Variants in SNX25 observed in about 807,000 individuals in gnomAD.
SNX25 encodes the protein sorting nexin 25, also known as sorting nexin-25.
Under a neutral mutation model 113.7 loss-of-function variants are expected in SNX25, and 62 were observed. That is an observed-to-expected ratio of 0.55 (90% confidence interval 0.44 to 0.67). The LOEUF is 0.67. SNX25 is among the 30% of genes least tolerant of loss of function. The probability of loss-of-function intolerance (pLI) is 0.00; values close to 1 mark genes in which losing one functional copy is unlikely to be tolerated. For synonymous variants in SNX25, 421 were observed against 436.2 expected (o/e 0.97, Z 0.43); for missense variants, 1,014 against 1,161.0 (o/e 0.87, Z 1.84).
intron 5 of SNX25, among the ~76,000 whole-genome samples, chr4:185,277,462 G>C (rs1268386722): frequency 6.6e-6 from 1 of 152,124 alleles, no homozygotes; most frequent in African/African-American, 2.4e-5. Flanking sequence ...ACTGGCTTTT[G>C]GGCAAGGTGA....
At chr4:185,205,482 T>C (rs1015383391), upstream of SNX25, among the ~76,000 whole-genome samples, 3 of 152,104 alleles carry the variant, frequency 2.0e-5, no homozygotes, top group African/African-American at 4.8e-5. Context: ...AATTTCACTT[T>C]CTTTTAAAGT....
rs113138900 is a variant in SNX25, at chr4:185,229,914, G to A, written c.430-17380G>A. Among the ~76,000 whole-genome samples, 13 of 152,168 alleles carry A rather than the reference G, an allele frequency of 8.5e-5. 1 individual carries two copies. Among genetic ancestry groups the A allele is most frequent in the African/African-American group, 2.7e-4 (11 of 41,504 alleles). On this transcript the variant is annotated intron_variant, in intron 1 of 18. Transcript: ENST00000652585. ...TGCAATCATGGCTCTCTGCAGCCTC[G>A]ACTACCTGGGCTCAGGTGATCCTCC...
At chr4:185,273,654 A>C (rs1364961196) in intron 5 of SNX25, among the ~76,000 whole-genome samples, 1 of 152,166 alleles carries the variant, frequency 6.6e-6, no homozygotes, top group African/African-American at 2.4e-5. Context: ...TGTACGCTTT[A>C]ACCAGCATCT....
chr4:185,361,484 T>G (rs1486684282), intron 16 of SNX25, among the ~76,000 whole-genome samples: 1 of 152,186 alleles, frequency 6.6e-6, no homozygotes, highest in Admixed American at 6.5e-5. Context: ...ATGCCTCTAA[T>G]CCCAGCACCT....
chr4:185,281,003 A>G (rs2126590282), intron 5 of SNX25, among the ~76,000 whole-genome samples: 1 of 152,332 alleles, frequency 6.6e-6, no homozygotes, highest in South Asian at 2.1e-4. Flanking sequence ...TGCTTCATTT[A>G]AATTTCACCT....
intron 1 of SNX25, among the ~76,000 whole-genome samples, chr4:185,226,088 A>C (rs1204192028): frequency 6.6e-6 from 1 of 152,172 alleles, no homozygotes; most frequent in Non-Finnish European, 1.5e-5. Context: ...TAATCAAGTA[A>C]GGCACCTGGT....
chr4:185,211,094 G>C (rs566254671), intron 1 of SNX25, among the ~76,000 whole-genome samples: 23 of 152,230 alleles, frequency 1.5e-4, no homozygotes, highest in African/African-American at 5.3e-4. Context: ...AAGCGCTTTG[G>C]GGTAAGATAA....
intron 1 of SNX25, among the ~76,000 whole-genome samples, chr4:185,239,079 A>G (rs1743103715): frequency 6.6e-6 from 1 of 152,160 alleles, no homozygotes. Context: ...GTTTGAGCGC[A>G]TTACGGCTGG....
chr4:185,246,479 T>C (rs1744882709), intron 1 of SNX25, among the ~76,000 whole-genome samples: 2 of 152,162 alleles, frequency 1.3e-5, no homozygotes, highest in African/African-American at 4.8e-5. Flanking sequence ...ATTCCTCTAA[T>C]AAAAAAGGGG....
chr4:185,278,417 G>C (rs1460454480), intron 5 of SNX25, among the ~76,000 whole-genome samples: 1 of 152,132 alleles, frequency 6.6e-6, no homozygotes, highest in African/African-American at 2.4e-5. Flanking sequence ...TTTAAACTTC[G>C]AGCCTCAGTT....
intron 5 of SNX25, among the ~76,000 whole-genome samples, chr4:185,282,286 C>G (rs578257628): frequency 6.6e-6 from 1 of 152,024 alleles, no homozygotes; most frequent in South Asian, 2.1e-4. Context: ...CTCAGCCTCC[C>G]GAGTAGCTGG....
chr4:185,212,217 A>G (rs2111473503), intron 1 of SNX25, among the ~76,000 whole-genome samples: 1 of 151,984 alleles, frequency 6.6e-6, no homozygotes, highest in South Asian at 2.1e-4. Context: ...AGCTCAAATG[A>G]TCCGCCCTCC....
At chr4:185,300,662 A>T (rs1485016088) in intron 6 of SNX25, among the ~76,000 whole-genome samples, 1 of 151,958 alleles carries the variant, frequency 6.6e-6, no homozygotes, top group African/African-American at 2.4e-5. Flanking sequence ...TTTATGAATG[A>T]CCTAAACTCA....
At position 185,295,659 on chromosome 4, in the gene SNX25, A is replaced by T. The variant is rs186864110; in HGVS notation, c.1162+7577A>T. Among the ~76,000 whole-genome samples, 17 of 152,246 alleles carry T rather than the reference A, an allele frequency of 1.1e-4. No homozygotes were observed. The East Asian group carries it at 2.9e-3, about 26-fold the overall frequency. The stretch of plus-strand genomic sequence containing the variant: ...GAAATGGGGTTTCACCACGTTGCTC[A>T]GGCTGGTCTCAAACTCCTGGGCTCA... On this transcript the variant is annotated intron_variant, in intron 6 of 18. Transcript: ENST00000652585.
At chr4:185,246,387 C>T (rs994352027) in intron 1 of SNX25, among the ~76,000 whole-genome samples, 13 of 152,182 alleles carry the variant, frequency 8.5e-5, no homozygotes, top group Non-Finnish European at 1.3e-4. Context: ...ACAACCATTT[C>T]CCTGTGTCCT....
At chr4:185,225,709 T>G (rs1050206329) in intron 1 of SNX25, among the ~76,000 whole-genome samples, 3 of 152,196 alleles carry the variant, frequency 2.0e-5, no homozygotes, top group African/African-American at 7.2e-5. Flanking sequence ...TGCAGGTGTA[T>G]TAACTGCATT....
intron 2 of SNX25, 96 bp downstream of exon 2, chr4:185,247,474 C>A: frequency 1.1e-6 from 1 of 949,228 alleles, no homozygotes; most frequent in Non-Finnish European, 1.7e-6. Context: ...TTCTTCTTGT[C>A]TGCATGTAGT....
intron 12 of SNX25, among the ~76,000 whole-genome samples, chr4:185,342,395 G>A (rs1367106448): frequency 2.0e-4 from 31 of 152,248 alleles, no homozygotes; most frequent in Non-Finnish European, 1.5e-5. Context: ...ACTGGCAGCT[G>A]CCGATTGTGA....
At chr4:185,252,874 TGA>T (rs1745874141) in intron 2 of SNX25, among the ~76,000 whole-genome samples, 1 of 152,210 alleles carries the variant, frequency 6.6e-6, no homozygotes, top group African/African-American at 2.4e-5. Flanking sequence ...ATGGCACACT[TGA>T]GGAAAGTGAT....
Sources: allele counts gnomAD v4.1 joint callset (sites outside exome capture counted in the v4.1 genomes callset), GRCh38; gene constraint gnomAD v4.1.1; transcripts MANE v1.5; gene names NCBI Gene and HGNC (gene_info 2026-07-23, HGNC 2026-07-21).